Variants in MYRIP observed in about 807,000 individuals in gnomAD.
MYRIP encodes the protein myosin VIIA and Rab interacting protein, also known as rab effector MyRIP.
MYRIP carries 49 observed loss-of-function variants against 98.0 expected under a neutral mutation model. The observed-to-expected ratio is 0.50, with a 90% CI of 0.40 to 0.63. MYRIP has a LOEUF of 0.63. Ranked by LOEUF, MYRIP falls within the 30% of genes least tolerant of loss-of-function variation. The pLI is 0.00. For synonymous variants in MYRIP, 404 were observed against 409.5 expected, an observed-to-expected ratio of 0.99 and a Z score of 0.16; for missense variants, 1,004 against 1,058.2, an observed-to-expected ratio of 0.95 and a Z score of 0.71.
chr3:39,875,378 G>A (rs1942954579), intron 1 of MYRIP, among the ~76,000 whole-genome samples: 1 of 151,116 alleles, frequency 6.6e-6, no homozygotes, highest in Non-Finnish European at 1.5e-5. Context: ...CTTGCCTTCT[G>A]CTAGCTTTTG....
intron 1 of MYRIP, among the ~76,000 whole-genome samples, chr3:39,889,075 T>C (rs1943403565): frequency 6.6e-6 from 1 of 151,984 alleles, no homozygotes; most frequent in African/African-American, 2.4e-5. Context: ...TTTTACACTG[T>C]TGGTGGGACT....
chr3:40,050,641 T>C (rs921619559), intron 3 of MYRIP, among the ~76,000 whole-genome samples: 4 of 152,122 alleles, frequency 2.6e-5, no homozygotes, highest in African/African-American at 9.7e-5. Context: ...ATTTCAGAAA[T>C]ACATTTCATA....
At chr3:39,903,090 C>T (rs1943782654) in intron 2 of MYRIP, among the ~76,000 whole-genome samples, 1 of 152,118 alleles carries the variant, frequency 6.6e-6, no homozygotes, top group African/African-American at 2.4e-5. Context: ...TGTCCTCTGC[C>T]CATGACCAGT....
intron 11 of MYRIP, among the ~76,000 whole-genome samples, chr3:40,210,909 C>G (rs1012402326): frequency 6.6e-6 from 1 of 152,230 alleles, no homozygotes; most frequent in Admixed American, 6.5e-5. Flanking sequence ...TTATGCTAGA[C>G]TTGCCACTTT....
intron 1 of MYRIP, among the ~76,000 whole-genome samples, chr3:39,876,640 T>G (rs151175266): frequency 0.018 from 2,689 of 151,908 alleles, 123 homozygotes; most frequent in African/African-American, 0.062. Context: ...GTTTGAAAAT[T>G]CTTTTCTTTA....
chr3:39,920,057 C>T, intron 2 of MYRIP, among the ~76,000 whole-genome samples: 1 of 151,930 alleles, frequency 6.6e-6, no homozygotes, highest in East Asian at 1.9e-4. Flanking sequence ...ATGTCTTCAT[C>T]CTCATTTAAA....
At chr3:39,993,965 A>G (rs1394184412) in intron 2 of MYRIP, among the ~76,000 whole-genome samples, 1 of 152,224 alleles carries the variant, frequency 6.6e-6, no homozygotes, top group East Asian at 1.9e-4. Context: ...TGCCTGCTAA[A>G]TGGATGATAA....
intron 2 of MYRIP, among the ~76,000 whole-genome samples, chr3:39,930,559 T>G (rs1374551903): frequency 7.3e-6 from 1 of 137,766 alleles, no homozygotes; most frequent in Non-Finnish European, 1.6e-5. Context: ...TTTATCTATT[T>G]TTGTCTGGTT....
At chr3:40,008,616 G>A (rs1192065831) in intron 2 of MYRIP, among the ~76,000 whole-genome samples, 1 of 152,164 alleles carries the variant, frequency 6.6e-6, no homozygotes, top group Admixed American at 6.5e-5. Flanking sequence ...TGAACTGGAA[G>A]ACACAGCCGA....
At chr3:40,165,067 C>T (rs1231046608) in intron 5 of MYRIP, among the ~76,000 whole-genome samples, 3 of 152,172 alleles carry the variant, frequency 2.0e-5, no homozygotes, top group Non-Finnish European at 4.4e-5. Flanking sequence ...GTGAAAAATA[C>T]ATCGGTGGCT....
chr3:39,837,271 T>C (rs1941655828), intron 1 of MYRIP, among the ~76,000 whole-genome samples: 1 of 152,254 alleles, frequency 6.6e-6, no homozygotes, highest in Non-Finnish European at 1.5e-5. Flanking sequence ...TTTGGCGTTT[T>C]AGTCATGAAG....
At chr3:40,222,030 C>A (rs1442731702) in intron 11 of MYRIP, among the ~76,000 whole-genome samples, 1 of 152,050 alleles carries the variant, frequency 6.6e-6, no homozygotes, top group African/African-American at 2.4e-5. Context: ...GGGCTTAACC[C>A]AAGAGGGTTC....
intron 2 of MYRIP, among the ~76,000 whole-genome samples, chr3:39,956,511 T>G (rs1008490911): frequency 1.3e-5 from 2 of 152,184 alleles, no homozygotes; most frequent in Non-Finnish European, 2.9e-5. Flanking sequence ...TCAGAATCTC[T>G]GAGACACATT....
At chr3:40,032,927 A>G (rs1947293884) in intron 2 of MYRIP, among the ~76,000 whole-genome samples, 1 of 152,166 alleles carries the variant, frequency 6.6e-6, no homozygotes, top group Non-Finnish European at 1.5e-5. Context: ...ATGCAAATCA[A>G]TAAATGTAAT....
At chr3:40,228,687 T>C (rs959046299) in intron 11 of MYRIP, among the ~76,000 whole-genome samples, 1 of 152,246 alleles carries the variant, frequency 6.6e-6, no homozygotes, top group African/African-American at 2.4e-5. Context: ...GGAAAATCTC[T>C]CTTCTGCTCC....
At chr3:39,858,215 A>C (rs1942362979) in intron 1 of MYRIP, among the ~76,000 whole-genome samples, 1 of 152,182 alleles carries the variant, frequency 6.6e-6, no homozygotes, top group African/African-American at 2.4e-5. Context: ...ATTCTGTGAA[A>C]ATGATAACCA....
intron 3 of MYRIP, among the ~76,000 whole-genome samples, chr3:40,102,000 T>A (rs888903991): frequency 1.3e-5 from 2 of 152,164 alleles, no homozygotes; most frequent in African/African-American, 4.8e-5. Flanking sequence ...TGTCAGTAGG[T>A]CTTTTTCTTT....
intron 2 of MYRIP, among the ~76,000 whole-genome samples, chr3:40,043,838 A>G (rs1415992473): frequency 6.6e-6 from 1 of 152,242 alleles, no homozygotes; most frequent in Admixed American, 6.5e-5. Flanking sequence ...AAAATCTGAC[A>G]TACAGGAGTA....
intron 2 of MYRIP, among the ~76,000 whole-genome samples, chr3:39,962,577 T>G (rs762762705): frequency 2.6e-5 from 4 of 152,082 alleles, no homozygotes; most frequent in Non-Finnish European, 5.9e-5. Flanking sequence ...GATACATGTT[T>G]CCTCTGAGAA....
Sources: gnomAD v4.1 joint callset for allele counts (sites outside exome capture counted in the v4.1 genomes callset) on GRCh38, gnomAD v4.1.1 for gene constraint, MANE v1.5 for transcripts, NCBI Gene and HGNC (gene_info 2026-07-23, HGNC 2026-07-21) for gene names.